The following CDC42SE2 variants were observed in gnomAD, a reference collection of about 807,000 sequenced individuals.
CDC42SE2 encodes the protein CDC42 small effector 2, also known as CDC42 small effector protein 2.
A neutral mutation model predicts 11.5 loss-of-function variants in CDC42SE2; 3 were observed. That is an observed-to-expected ratio of 0.26 (90% CI 0.12 to 0.67). The LOEUF is 0.67. CDC42SE2 is among the 30% of genes least tolerant of loss of function. The pLI, the probability that CDC42SE2 is intolerant of heterozygous loss-of-function variation, is 0.80. For synonymous variants in CDC42SE2, 33 were observed against 34.8 expected (o/e 0.95, Z 0.18); for missense variants, 82 against 106.8 (o/e 0.77, Z 1.02).
At chr5:131,332,104 C>T (rs989513711) in intron 2 of CDC42SE2, among the ~76,000 whole-genome samples, 1 of 152,128 alleles carries the variant, frequency 6.6e-6, no homozygotes, top group Non-Finnish European at 1.5e-5. Flanking sequence ...TCTCCTAATG[C>T]TATCCCTCCC....
chr5:131,373,450 C>T (rs778321899), intron 3 of CDC42SE2, among the ~76,000 whole-genome samples: 1 of 152,198 alleles, frequency 6.6e-6, no homozygotes, highest in Non-Finnish European at 1.5e-5. Context: ...TCGAACTCTT[C>T]TGTCTGGACT....
At chr5:131,348,426 A>G (rs1423205793) in intron 2 of CDC42SE2, among the ~76,000 whole-genome samples, 1 of 152,198 alleles carries the variant, frequency 6.6e-6, no homozygotes, top group Non-Finnish European at 1.5e-5. Flanking sequence ...TAGGAATCCA[A>G]CTTACAAGGA....
chr5:131,283,988 T>C (rs1468610052), intron 1 of CDC42SE2, among the ~76,000 whole-genome samples: 1 of 152,212 alleles, frequency 6.6e-6, no homozygotes. Context: ...TACCTAGGAG[T>C]AGAGTTGCTG....
intron 1 of CDC42SE2, among the ~76,000 whole-genome samples, chr5:131,267,221 A>G (rs1476412663): frequency 6.6e-6 from 1 of 151,646 alleles, no homozygotes; most frequent in Non-Finnish European, 1.5e-5. Flanking sequence ...CACCCGGCTA[A>G]TTTTTGTATT....
intron 1 of CDC42SE2, among the ~76,000 whole-genome samples, chr5:131,276,448 CAAA>C: frequency 1.6e-5 from 2 of 124,626 alleles, no homozygotes; most frequent in South Asian, 5.1e-4. Context: ...GACCCTGTTT[CAAA>C]AAAAAAAAAA....
intron 2 of CDC42SE2, among the ~76,000 whole-genome samples, chr5:131,328,559 C>CTA (rs1745036442): frequency 1.3e-5 from 2 of 152,140 alleles, no homozygotes; most frequent in Admixed American, 6.6e-5. Flanking sequence ...TCTACTTGAT[C>CTA]CTTTTTCATG....
chr5:131,357,366 C>A lies in CDC42SE2; in HGVS notation c.-285-1843C>A, dbSNP rs150773068. Among the ~76,000 whole-genome samples the A allele has an allele frequency of 5.3e-5, 8 of 152,310 alleles. No homozygotes were observed. In the East Asian group the frequency reaches 1.5e-3, roughly 29 times the overall value. Reference sequence around the variant, plus strand: ...CTGAATTCATGCCTTGTTATACTACCCAGATTTGTGACACTGAGGGTGTGT... The same window carrying A: ...CTGAATTCATGCCTTGTTATACTACACAGATTTGTGACACTGAGGGTGTGT... On this transcript the variant is annotated intron_variant, in intron 2 of 4. Transcript: ENST00000505065.
At chr5:131,272,275 C>T (rs1757009349) in intron 1 of CDC42SE2, among the ~76,000 whole-genome samples, 1 of 152,034 alleles carries the variant, frequency 6.6e-6, no homozygotes, top group South Asian at 2.1e-4. Context: ...CCTGCCTTAG[C>T]CTCCCAAAAT....
chr5:131,311,199 T>C (rs1045849922), intron 1 of CDC42SE2, among the ~76,000 whole-genome samples: 2 of 151,930 alleles, frequency 1.3e-5, no homozygotes, highest in East Asian at 1.9e-4. Flanking sequence ...CCTTCACTTA[T>C]GAAGCTTAGT....
intron 1 of CDC42SE2, among the ~76,000 whole-genome samples, chr5:131,251,664 A>G (rs1756639075): frequency 6.6e-6 from 1 of 152,226 alleles, no homozygotes. Context: ...ATATGTGTGC[A>G]ATTACTCTTC....
At chr5:131,277,951 A>C (rs1757137950) in intron 1 of CDC42SE2, among the ~76,000 whole-genome samples, 1 of 152,278 alleles carries the variant, frequency 6.6e-6, no homozygotes, top group East Asian at 1.9e-4. Context: ...GTTCAGTAAA[A>C]AAAAGTGTTG....
chr5:131,213,211 A>T, the CDC42SE2 span, among the ~76,000 whole-genome samples: 2 of 152,118 alleles, frequency 1.3e-5, no homozygotes, highest in African/African-American at 2.4e-5. Flanking sequence ...ATATAATAAT[A>T]ATAATCCATT....
rs141370986 is a variant in CDC42SE2 at position 131,336,824 on chromosome 5, G to C, written c.-286+20680G>C. Among the ~76,000 whole-genome samples, 23 of 152,232 alleles carry C rather than the reference G, an allele frequency of 1.5e-4. No homozygotes were observed. In the East Asian group the frequency reaches 2.5e-3, roughly 17 times the overall value. ...TGTGCTGTGGTTTTCAGCTCCATCAGGTCCTTTAACGACTTCTCTGAGTTG... is the reference window on the plus strand; with the variant it reads ...TGTGCTGTGGTTTTCAGCTCCATCACGTCCTTTAACGACTTCTCTGAGTTG... On this transcript the variant is annotated intron_variant, in intron 2 of 4. Coordinates refer to ENST00000505065, the MANE Select transcript of CDC42SE2 (RefSeq NM_001375635.1).
chr5:131,338,382 A>C (rs1390024996), intron 2 of CDC42SE2, among the ~76,000 whole-genome samples: 1 of 152,194 alleles, frequency 6.6e-6, no homozygotes, highest in Non-Finnish European at 1.5e-5. Flanking sequence ...TTGTTTATAT[A>C]GCCTCACTAG....
At chr5:131,338,203 A>T (rs753948604) in intron 2 of CDC42SE2, among the ~76,000 whole-genome samples, 8 of 152,168 alleles carry the variant, frequency 5.3e-5, no homozygotes, top group Non-Finnish European at 7.4e-5. Flanking sequence ...TTATTTTTGT[A>T]CTGGCCAGTA....
At chr5:131,365,778 C>G (rs938150530) in intron 3 of CDC42SE2, among the ~76,000 whole-genome samples, 1 of 152,104 alleles carries the variant, frequency 6.6e-6, no homozygotes, top group South Asian at 2.1e-4. Context: ...GTCAGAAGAT[C>G]GAGACCATCC....
chr5:131,381,106 C>T (rs969613236), intron 3 of CDC42SE2, among the ~76,000 whole-genome samples: 1 of 152,160 alleles, frequency 6.6e-6, no homozygotes, highest in Non-Finnish European at 1.5e-5. Context: ...ATGGCTTCTT[C>T]TCTGCCCAAC....
upstream of CDC42SE2, among the ~76,000 whole-genome samples, chr5:131,259,458 G>A (rs1220109878): frequency 6.7e-6 from 1 of 149,970 alleles, no homozygotes; most frequent in Non-Finnish European, 1.5e-5. Context: ...CACAGCACAA[G>A]TATAGAAAGC....
chr5:131,284,055 A>G (rs1200190247), intron 1 of CDC42SE2, among the ~76,000 whole-genome samples: 1 of 152,214 alleles, frequency 6.6e-6, no homozygotes, highest in Non-Finnish European at 1.5e-5. Context: ...TGTTTTCTAA[A>G]GTGGCTGCAT....
Sources: allele counts gnomAD v4.1 joint callset (sites outside exome capture counted in the v4.1 genomes callset), GRCh38; gene constraint gnomAD v4.1.1; transcripts MANE v1.5; gene names NCBI Gene and HGNC (gene_info 2026-07-23, HGNC 2026-07-21).